The following STAB2 variants were observed in gnomAD, a reference collection of about 807,000 sequenced individuals.
STAB2 encodes stabilin 2, also known as stabilin-2.
A neutral mutation model predicts 338.1 loss-of-function variants in STAB2; 288 were observed. The observed-to-expected ratio is 0.85, with a 90% CI of 0.77 to 0.94. The LOEUF is 0.94. Among genes scored for constraint, STAB2 ranks in the 40% least tolerant of loss-of-function variants. The probability of loss-of-function intolerance (pLI) is 0.00; values close to 1 mark genes in which losing one functional copy is unlikely to be tolerated. For synonymous variants in STAB2, 1,202 were observed against 1,193.3 expected (o/e 1.01, Z -0.15); for missense variants, 3,141 against 3,210.1 (o/e 0.98, Z 0.52).
At chr12:103,690,159 A>G (rs541952910) in intron 29 of STAB2, among the ~76,000 whole-genome samples, 177 bp downstream of exon 29, 16 of 152,228 alleles carry the variant, frequency 1.1e-4, no homozygotes, top group African/African-American at 3.9e-4. Context: ...CTGACAGCCA[A>G]CTCTGCCAAG....
At chr12:103,738,469 T>C (rs944044008) in intron 53 of STAB2, among the ~76,000 whole-genome samples, 1 of 151,554 alleles carries the variant, frequency 6.6e-6, no homozygotes, top group Non-Finnish European at 1.5e-5. Flanking sequence ...AGAAACTGAG[T>C]CTCAAAGAGG....
At chr12:103,765,214 A>G (rs1176439273) in intron 68 of STAB2, among the ~76,000 whole-genome samples, 2 of 151,952 alleles carry the variant, frequency 1.3e-5, no homozygotes, top group African/African-American at 4.8e-5. Flanking sequence ...ATCCTCTCCA[A>G]TGCACCCCAT....
chr12:103,743,704 G>A (rs1054377209), intron 56 of STAB2, among the ~76,000 whole-genome samples: 3 of 152,150 alleles, frequency 2.0e-5, no homozygotes, highest in Non-Finnish European at 2.9e-5. Context: ...AAATAGCCAC[G>A]CGTAGATAGT....
chr12:103,588,476 A>G lies in STAB2; in HGVS notation c.81+919A>G, dbSNP rs532406957. The stretch of plus-strand genomic sequence containing the variant: ...CTGACAGTGCTCCACAAATGGTAGT[A>G]ATTATCATCACCATCATCATCTTCT... On this transcript the variant is annotated intron_variant, in intron 1 of 68. Transcript: ENST00000388887. Among the ~76,000 whole-genome samples the G allele has an allele frequency of 2.6e-5, 4 of 152,292 alleles. No homozygotes were observed. The South Asian group carries it at 8.3e-4, about 32-fold the overall frequency.
intron 44 of STAB2, among the ~76,000 whole-genome samples, chr12:103,720,745 G>A (rs529609257): frequency 1.3e-5 from 2 of 152,310 alleles, no homozygotes; most frequent in South Asian, 4.1e-4. Flanking sequence ...CAGCACAGAG[G>A]ATACCTGAGA....
chr12:103,681,690 C>T (rs951769208), intron 25 of STAB2, among the ~76,000 whole-genome samples: 3 of 139,520 alleles, frequency 2.2e-5, no homozygotes, highest in South Asian at 4.7e-4. Context: ...GGTGCGATCT[C>T]GGCTCACTAC....
At chr12:103,651,273 C>A (rs1473534394) in intron 11 of STAB2, among the ~76,000 whole-genome samples, 1 of 151,284 alleles carries the variant, frequency 6.6e-6, no homozygotes, top group Non-Finnish European at 1.5e-5. Context: ...CTCCCTCCCA[C>A]CTTTACCATC....
intron 13 of STAB2, 148 bp from the exon 14 acceptor site, chr12:103,655,103 T>G (rs1473989006): frequency 5.2e-6 from 4 of 769,710 alleles, no homozygotes; most frequent in Non-Finnish European, 2.2e-6. Flanking sequence ...AGCGAACATT[T>G]ATATAATGCA....
chr12:103,587,691 C>CT, intron 1 of STAB2, 134 bp downstream of exon 1: 1 of 741,860 alleles, frequency 1.3e-6, no homozygotes. Flanking sequence ...TTTTTGGAGA[C>CT]TAAGTCCTAA....
intron 30 of STAB2, 142 bp from the exon 31 acceptor site, chr12:103,692,670 G>C (rs1293530566): frequency 4.9e-6 from 3 of 609,600 alleles, no homozygotes; most frequent in Non-Finnish European, 8.7e-6. Flanking sequence ...GGGACAACAA[G>C]TTAAAGGTAT....
At chr12:103,689,768 A>T in intron 28 of STAB2, 78 bp from the exon 29 acceptor site, 4 of 1,531,316 alleles carry the variant, frequency 2.6e-6, no homozygotes, top group Middle Eastern at 1.7e-4. Flanking sequence ...GGAAATTGTC[A>T]TCTCTTCCAA....
intron 23 of STAB2, among the ~76,000 whole-genome samples, chr12:103,675,625 A>AAT (rs1876264211): frequency 6.6e-6 from 1 of 152,246 alleles, no homozygotes; most frequent in Non-Finnish European, 1.5e-5. Flanking sequence ...TTGCTCATTT[A>AAT]ACCTTCAGCC....
intron 7 of STAB2, 33 bp downstream of exon 7, chr12:103,637,269 A>T (rs777650073): frequency 6.3e-7 from 1 of 1,597,170 alleles, no homozygotes; most frequent in Non-Finnish European, 8.5e-7. Flanking sequence ...TAGTTTATTC[A>T]TTGAGATGTT....
chr12:103,723,686 G>A (rs146666316), intron 44 of STAB2, among the ~76,000 whole-genome samples: 45 of 152,282 alleles, frequency 3.0e-4, no homozygotes, highest in African/African-American at 1.0e-3. Context: ...GTTAGAGTGG[G>A]GCCCAGGAGG....
rs1432974735 is a variant in STAB2, at chr12:103,689,957, CAG to C, written c.3160_3161del (p.Ser1054GlnfsTer27). ...DQDEKSFWLS[Q>X]SNIPALIKYH... is the part of the protein sequence containing the mutation. ...GGATGAGAAAAGCTTCTGGTTGTCA[CAG>C]AGCAATATTCCAGCCCTAATAAAGT... On this transcript the variant is annotated frameshift_variant, in exon 29 of 69. Coordinates refer to ENST00000388887, the MANE Select transcript of STAB2 (RefSeq NM_017564.10). LOFTEE classifies it high-confidence loss of function. 3 of 1,613,942 alleles carry C rather than the reference CAG, an allele frequency of 1.9e-6. No individual in the cohort carries two copies. The highest frequency in any genetic ancestry group is 2.5e-6 in the Non-Finnish European group (3 of 1,179,976).
intron 3 of STAB2, among the ~76,000 whole-genome samples, chr12:103,618,904 G>A (rs761695029): frequency 6.6e-6 from 1 of 152,072 alleles, no homozygotes; most frequent in East Asian, 1.9e-4. Flanking sequence ...TGAATCATGG[G>A]GGCGGGCCTT....
At chr12:103,705,931 G>A (rs369069479) in intron 37 of STAB2, among the ~76,000 whole-genome samples, 1 of 152,148 alleles carries the variant, frequency 6.6e-6, no homozygotes, top group African/African-American at 2.4e-5. Flanking sequence ...GGTAAAAGCT[G>A]CAATTCAATT....
rs536821267 is a variant in STAB2, at chr12:103,639,419, C to G, written c.907-704C>G. Among the ~76,000 whole-genome samples the G allele has an allele frequency of 8.5e-5, 13 of 152,152 alleles. No individual in the cohort carries two copies. In the South Asian group the frequency reaches 1.9e-3, roughly 22 times the overall value. ...CCATCATGGCACTCAAAAATGTTTC[C>G]AGGCTGGGCATGGTGGCTCATTCCT... On this transcript the variant is annotated intron_variant, in intron 8 of 68. Coordinates refer to ENST00000388887, the MANE Select transcript of STAB2 (RefSeq NM_017564.10).
At chr12:103,618,840 C>T (rs1312999910) in intron 3 of STAB2, among the ~76,000 whole-genome samples, 3 of 152,082 alleles carry the variant, frequency 2.0e-5, no homozygotes, top group Non-Finnish European at 2.9e-5. Flanking sequence ...CCCAGTCTCA[C>T]CTTAAATTGT....
Sources: allele counts gnomAD v4.1 joint callset (sites outside exome capture counted in the v4.1 genomes callset), GRCh38; gene constraint gnomAD v4.1.1; transcripts MANE v1.5; gene names NCBI Gene and HGNC (gene_info 2026-07-23, HGNC 2026-07-21).